GLIS1: variants seen among roughly 807,000 people sequenced by gnomAD.
GLIS1 encodes the protein GLIS family zinc finger 1.
In GLIS1, 24 loss-of-function variants were observed where a neutral mutation model predicts 63.8. The observed-to-expected ratio is 0.38, with a 90% confidence interval of 0.27 to 0.53. GLIS1 has a LOEUF of 0.53. GLIS1 is among the 20% of genes least tolerant of loss of function. The pLI is 0.85. For synonymous variants in GLIS1, 450 were observed against 482.5 expected (o/e 0.93, Z 0.88); for missense variants, 1,036 against 1,074.1 (o/e 0.96, Z 0.50).
rs139948381 is a variant in GLIS1, at chr1:53,716,312, G to C, written c.259+21494C>G. ...GAGAGGGAGGCAGAGGGTTGAAGGT[G>C]CTTGGGGAGGTGTAATTATAATGAA... On this transcript the variant is annotated intron_variant, in intron 2 of 10. Transcript: ENST00000628545. Among the ~76,000 whole-genome samples the C allele has an allele frequency of 8.5e-5, 13 of 152,286 alleles. 1 individual carries two copies. The South Asian group carries it at 1.7e-3, about 19-fold the overall frequency.
intron 7 of GLIS1, among the ~76,000 whole-genome samples, chr1:53,515,546 G>T (rs1257510567): frequency 6.6e-6 from 1 of 152,086 alleles, no homozygotes; most frequent in Non-Finnish European, 1.5e-5. Flanking sequence ...GAAGACACCT[G>T]CAGGGTGATG....
In GLIS1 at chr1:53,594,878, A is replaced by T. The variant is rs757210915; in HGVS notation, c.550T>A (p.Ser184Thr). ...QAMAEARTSL[S>T]AHCRGPLATG... ...GCCAGCGGGCCCCGACAGTGGGCAGACAGGGATGTGCGGGCCTCTGCCATG... is the reference window on the plus strand; with the variant it reads ...GCCAGCGGGCCCCGACAGTGGGCAGTCAGGGATGTGCGGGCCTCTGCCATG... The change falls in exon 4 of 11, where the codon TCT (serine) becomes ACT (threonine). Residue 184 changes from serine (S) to threonine (T), a missense_variant. Around this residue, in one of 3 missense-constraint regions of GLIS1, gnomAD observed 592 missense variants for 593.9 expected, o/e 1.00. Coordinates refer to ENST00000628545, the MANE Select transcript of GLIS1 (RefSeq NM_001367484.1). 17 of 1,569,172 alleles carry T rather than the reference A, an allele frequency of 1.1e-5. 1 individual carries two copies. The highest frequency in any genetic ancestry group is 2.1e-4 in the Middle Eastern group (1 of 4,698).
intron 4 of GLIS1, among the ~76,000 whole-genome samples, chr1:53,584,855 C>G (rs1224427023): frequency 1.3e-5 from 2 of 152,114 alleles, no homozygotes; most frequent in African/African-American, 4.8e-5. Flanking sequence ...CTCTGGCAAC[C>G]CCATCTGTTA....
chr1:53,598,746 T>C lies in GLIS1; in HGVS notation c.437+1355A>G, dbSNP rs1458584551. ...GTCCATGGCATTTGCTATGGCAGCC[T>C]AAACAAACGAATACACACCCAAAAT... is the stretch of plus-strand genomic sequence containing the variant. On this transcript the variant is annotated intron_variant, in intron 3 of 10. Coordinates refer to ENST00000628545, the MANE Select transcript of GLIS1 (RefSeq NM_001367484.1). The surrounding 1 kb of genome is among the most constrained non-coding windows in gnomAD (Gnocchi z 4.6). Among the ~76,000 whole-genome samples, 1 of 152,172 alleles carries C rather than the reference T, an allele frequency of 6.6e-6. No individual in the cohort carries two copies. Among genetic ancestry groups the C allele is most frequent in the African/African-American group, 2.4e-5 (1 of 41,450 alleles).
intron 2 of GLIS1, among the ~76,000 whole-genome samples, chr1:53,659,011 T>C (rs898733513): frequency 6.6e-6 from 1 of 152,174 alleles, no homozygotes; most frequent in Non-Finnish European, 1.5e-5. Context: ...TCTCCCCTTC[T>C]ATGAATGCGG....
chr1:53,664,037 A>G (rs1353342447), intron 2 of GLIS1, among the ~76,000 whole-genome samples: 1 of 152,204 alleles, frequency 6.6e-6, no homozygotes, highest in African/African-American at 2.4e-5. Flanking sequence ...AATCCAACTC[A>G]GAAAATGAGG....
In GLIS1 at chr1:53,520,219, TAGG is replaced by T. The variant is rs560462165; in HGVS notation, c.1726+412_1726+414del. Among the ~76,000 whole-genome samples the T allele has an allele frequency of 6.6e-5, 10 of 151,130 alleles. No individual in the cohort carries two copies. In the East Asian group the frequency reaches 1.9e-3, roughly 29 times the overall value. On this transcript the variant is annotated intron_variant, in intron 7 of 10. Transcript: ENST00000628545. ...GGGCAGGAGCTACCGTCATGAAGGG[TAGG>T]AGAAGAGGGCTGGCTGGGTGTGGAC...
Position 53,511,697 on chromosome 1 carries a change from G to A in GLIS1, c.1884-1670C>T, listed in dbSNP as rs886718081. Among the ~76,000 whole-genome samples the A allele has an allele frequency of 3.9e-5, 6 of 152,274 alleles. No homozygotes were observed. The highest frequency in any genetic ancestry group is 2.1e-4 in the South Asian group (1 of 4,814). ...TTGTGGGGTGATCAAGTGGGACAGC[G>A]TCTTCCTCTATGCACTAGAAACCGT... On this transcript the variant is annotated intron_variant, in intron 8 of 10. Coordinates refer to ENST00000628545, the MANE Select transcript of GLIS1 (RefSeq NM_001367484.1). This position sits in a 1 kb window ranked among gnomAD's most constrained non-coding sequence, Gnocchi z 4.2.
rs1462340869 is a variant in GLIS1 at position 53,574,604 on chromosome 1, T to C, written c.1320+19504A>G. Among the ~76,000 whole-genome samples the C allele has an allele frequency of 6.6e-6, 1 of 152,156 alleles. No individual in the cohort carries two copies. The highest frequency in any genetic ancestry group is 6.5e-5 in the Admixed American group (1 of 15,280). On this transcript the variant is annotated intron_variant, in intron 4 of 10. Transcript: ENST00000628545. This position sits in a 1 kb window ranked among gnomAD's most constrained non-coding sequence, Gnocchi z 4.2. ...CAGCACAGCAAGCCCTGGGGACTAG[T>C]TTTGGGGAAGAAGTTTCTCACCCTT...
At chr1:53,510,934 G>T (rs1644292529) in intron 8 of GLIS1, among the ~76,000 whole-genome samples, 1 of 152,178 alleles carries the variant, frequency 6.6e-6, no homozygotes, top group Non-Finnish European at 1.5e-5. Flanking sequence ...CTCATGTTCT[G>T]AAACAAGACT....
intron 5 of GLIS1, among the ~76,000 whole-genome samples, chr1:53,529,435 T>C (rs1644506270): frequency 6.6e-6 from 1 of 152,114 alleles, no homozygotes; most frequent in African/African-American, 2.4e-5. Flanking sequence ...GAATGTGCTC[T>C]CTCCATGAGG....
rs536978811 is a variant in GLIS1, at chr1:53,693,065, G to A, written c.259+44741C>T. ...GCACTTCACAGTGTGAGGGTGCTTC[G>A]TCGAGACCTCGTATCAACCCAGACA... On this transcript the variant is annotated intron_variant, in intron 2 of 10. Coordinates refer to ENST00000628545, the MANE Select transcript of GLIS1 (RefSeq NM_001367484.1). Among the ~76,000 whole-genome samples the A allele has an allele frequency of 3.7e-3, 567 of 152,300 alleles. 1 individual carries two copies. Among genetic ancestry groups the A allele is most frequent in the African/African-American group, 0.013 (549 of 41,550 alleles).
At chr1:53,728,225 G>A (rs1646824635) in intron 2 of GLIS1, among the ~76,000 whole-genome samples, 1 of 152,170 alleles carries the variant, frequency 6.6e-6, no homozygotes, top group South Asian at 2.1e-4. Context: ...GGTGGCATTT[G>A]AGCTGGGTCT....
intron 2 of GLIS1, among the ~76,000 whole-genome samples, chr1:53,727,958 T>C (rs1243162336): frequency 6.6e-6 from 1 of 152,184 alleles, no homozygotes; most frequent in Non-Finnish European, 1.5e-5. Context: ...ATGTTCAACC[T>C]TGCAGGAAAA....
At chr1:53,645,256 G>A (rs965486992) in intron 2 of GLIS1, among the ~76,000 whole-genome samples, 6 of 152,028 alleles carry the variant, frequency 3.9e-5, no homozygotes, top group Non-Finnish European at 7.4e-5. Flanking sequence ...TTTCCTGGTC[G>A]TGCTATTCCA....
chr1:53,657,355 C>T lies in GLIS1; in HGVS notation c.260-57077G>A, dbSNP rs544168355. Reference sequence around the variant, plus strand: ...CCAAGTCTTCAGAGGACTCAGATCTCCAAGGGAGATGGGTAAGAGGGATTA... The same window carrying T: ...CCAAGTCTTCAGAGGACTCAGATCTTCAAGGGAGATGGGTAAGAGGGATTA... On this transcript the variant is annotated intron_variant, in intron 2 of 10. Transcript: ENST00000628545. Among the ~76,000 whole-genome samples the T allele has an allele frequency of 1.4e-4, 22 of 152,266 alleles. No individual in the cohort carries two copies. In the South Asian group the frequency reaches 4.6e-3, roughly 32 times the overall value.
intron 4 of GLIS1, among the ~76,000 whole-genome samples, chr1:53,572,875 C>T (rs1167441144): frequency 2.0e-5 from 3 of 152,186 alleles, no homozygotes; most frequent in Non-Finnish European, 4.4e-5. Flanking sequence ...ATCCTAGCTG[C>T]GCCTCTGCTT....
intron 5 of GLIS1, among the ~76,000 whole-genome samples, chr1:53,527,760 T>C (rs373411132): frequency 2.0e-5 from 3 of 152,138 alleles, no homozygotes; most frequent in South Asian, 2.1e-4. Context: ...CCTGCGGTGT[T>C]TATGTGGGGA....
rs1250014098 is a variant in GLIS1, at chr1:53,739,103, A to G, written c.-43+2T>C. 2.0e-5 allele frequency among the ~76,000 whole-genome samples: 3 copies of G among 148,808 alleles called. No individual in the cohort carries two copies. The highest frequency in any genetic ancestry group is 4.5e-5 in the Non-Finnish European group (3 of 67,002). ...TCGGCCGCGGGCCGCGCCCCCTCTCACCTCGCAGCGGCAGCTGCAGATCGC... is the reference window on the plus strand; with the variant it reads ...TCGGCCGCGGGCCGCGCCCCCTCTCGCCTCGCAGCGGCAGCTGCAGATCGC... On this transcript the variant is annotated splice_donor_variant, in intron 1 of 10. Transcript: ENST00000628545. LOFTEE classifies it low-confidence loss of function (5UTR_SPLICE).
Sources: allele counts gnomAD v4.1 joint callset (sites outside exome capture counted in the v4.1 genomes callset), GRCh38; gene constraint gnomAD v4.1.1; regional missense constraint gnomAD v4.1.1; non-coding constraint Gnocchi (gnomAD v3.1); transcripts MANE v1.5; gene names NCBI Gene and HGNC (gene_info 2026-07-23, HGNC 2026-07-21).